The following RANBP2 variants were observed in gnomAD, a reference collection of about 807,000 sequenced individuals.
RANBP2 encodes the protein RAN binding protein 2.
Under a neutral mutation model 303.6 loss-of-function variants are expected in RANBP2, and 57 were observed. The observed-to-expected ratio is 0.19, with a 90% CI of 0.15 to 0.23. RANBP2 has a LOEUF of 0.23. RANBP2 is among the 10% of genes least tolerant of loss of function. The pLI, the probability that RANBP2 is intolerant of heterozygous loss-of-function variation, is 1.00. For missense variants in RANBP2, 3,138 were observed against 3,780.8 expected (o/e 0.83, Z 4.46); for synonymous variants, 1,167 against 1,301.5 (o/e 0.90, Z 2.23).
chr2:108,821,728 T>C, the RANBP2 span, among the ~76,000 whole-genome samples: 1 of 152,018 alleles, frequency 6.6e-6, no homozygotes, highest in South Asian at 2.1e-4. Context: ...GTGGATTATC[T>C]GAGGTCAGAA....
the RANBP2 span, among the ~76,000 whole-genome samples, chr2:109,112,025 T>C: frequency 2.6e-5 from 4 of 152,078 alleles, no homozygotes; most frequent in Non-Finnish European, 4.4e-5. Context: ...CTTAATCCAG[T>C]GTATCGTTGT....
the RANBP2 span, among the ~76,000 whole-genome samples, chr2:109,387,725 C>T: frequency 6.6e-6 from 1 of 152,226 alleles, no homozygotes; most frequent in Admixed American, 6.5e-5. Flanking sequence ...GAAATATTCA[C>T]TTATTCCTTG....
the RANBP2 span, among the ~76,000 whole-genome samples, chr2:108,906,627 C>T: frequency 6.6e-6 from 1 of 152,220 alleles, no homozygotes; most frequent in Non-Finnish European, 1.5e-5. Context: ...TACTTGGGGA[C>T]ACCCCTGGCA....
the RANBP2 span, among the ~76,000 whole-genome samples, chr2:109,692,868 G>A: frequency 1.0e-4 from 15 of 150,222 alleles, no homozygotes; most frequent in African/African-American, 3.4e-4. Flanking sequence ...CCCCAGGCTG[G>A]AGTGCAATGG....
intron 28 of RANBP2, 86 bp from the exon 29 acceptor site, chr2:108,783,510 G>A: frequency 1.0e-6 from 1 of 989,554 alleles, no homozygotes; most frequent in Admixed American, 2.2e-5. Context: ...GTAGTGATGA[G>A]TTCTGTGTGT....
chr2:109,611,013 A>C, the RANBP2 span, among the ~76,000 whole-genome samples: 5 of 152,178 alleles, frequency 3.3e-5, no homozygotes, highest in Non-Finnish European at 5.9e-5. Context: ...AGAACCCAGA[A>C]ACAGACTGAA....
At chr2:109,630,040 TGA>T in the RANBP2 span, among the ~76,000 whole-genome samples, 1 of 151,830 alleles carries the variant, frequency 6.6e-6, no homozygotes, top group Non-Finnish European at 1.5e-5. Flanking sequence ...CAAGAAAGAA[TGA>T]GAAGAAAATC....
chr2:109,660,039 G>A, the RANBP2 span, among the ~76,000 whole-genome samples: 1 of 152,186 alleles, frequency 6.6e-6, no homozygotes, highest in Admixed American at 6.5e-5. Flanking sequence ...AAAGAACTAA[G>A]GCCAATTTGT....
chr2:109,159,143 T>TA, the RANBP2 span, among the ~76,000 whole-genome samples: 74,210 of 152,032 alleles, frequency 0.49, 19,026 homozygotes, highest in South Asian at 0.6. Flanking sequence ...AAGGTGCCCT[T>TA]ACACAGTGTT....
At chr2:109,319,147 A>T in the RANBP2 span, among the ~76,000 whole-genome samples, 3 of 152,170 alleles carry the variant, frequency 2.0e-5, no homozygotes, top group African/African-American at 7.2e-5. Flanking sequence ...AGATGGGGGC[A>T]TGGCTTAGTA....
chr2:109,509,629 A>C, the RANBP2 span, among the ~76,000 whole-genome samples: 2 of 152,028 alleles, frequency 1.3e-5, no homozygotes, highest in African/African-American at 4.8e-5. Flanking sequence ...CAGGAGTTTT[A>C]GTGTATCCAT....
the RANBP2 span, among the ~76,000 whole-genome samples, chr2:109,418,907 C>A: frequency 6.6e-6 from 1 of 152,188 alleles, no homozygotes; most frequent in Non-Finnish European, 1.5e-5. Context: ...CTTGGCAAGA[C>A]CATGGTGCCA....
the RANBP2 span, among the ~76,000 whole-genome samples, chr2:108,817,592 T>A: frequency 6.6e-6 from 1 of 152,118 alleles, no homozygotes; most frequent in Non-Finnish European, 1.5e-5. Flanking sequence ...TGCCCAGCCA[T>A]CAGATATCTT....
chr2:109,054,326 A>G, the RANBP2 span, among the ~76,000 whole-genome samples: 1 of 152,200 alleles, frequency 6.6e-6, no homozygotes, highest in East Asian at 1.9e-4. Context: ...CTGGGCTCCT[A>G]TACAGATTTG....
At chr2:109,159,269 C>T in the RANBP2 span, among the ~76,000 whole-genome samples, 846 of 152,306 alleles carry the variant, frequency 5.6e-3, 7 homozygotes, top group African/African-American at 0.019. Flanking sequence ...GGCTCTATCC[C>T]GGCGCAGCTG....
At chr2:109,032,574 C>A in the RANBP2 span, among the ~76,000 whole-genome samples, 1 of 151,980 alleles carries the variant, frequency 6.6e-6, no homozygotes, top group African/African-American at 2.4e-5. Flanking sequence ...CATGCGCTTT[C>A]TCCCCTCCCC....
chr2:109,113,473 T>A, the RANBP2 span, among the ~76,000 whole-genome samples: 1 of 152,198 alleles, frequency 6.6e-6, no homozygotes, highest in African/African-American at 2.4e-5. Context: ...GTGATTTTTG[T>A]ACATTGATTT....
the RANBP2 span, among the ~76,000 whole-genome samples, chr2:109,060,787 C>G: frequency 2.0e-5 from 3 of 152,156 alleles, no homozygotes; most frequent in Admixed American, 2.0e-4. Flanking sequence ...GGGTCTTTAA[C>G]TACCTTCTCA....
At chr2:109,594,514 T>C in the RANBP2 span, among the ~76,000 whole-genome samples, 1 of 152,302 alleles carries the variant, frequency 6.6e-6, no homozygotes, top group Non-Finnish European at 1.5e-5. Flanking sequence ...GCAGTAGTAT[T>C]TAGATCTACC....
Sources: allele counts gnomAD v4.1 joint callset (sites outside exome capture counted in the v4.1 genomes callset), GRCh38; gene constraint gnomAD v4.1.1; transcripts MANE v1.5; gene names NCBI Gene and HGNC (gene_info 2026-07-23, HGNC 2026-07-21).